Variants in CFAP46 observed in about 807,000 individuals in gnomAD.
The protein encoded by CFAP46 is cilia- and flagella-associated protein 46.
In CFAP46, 245 loss-of-function variants were observed where a neutral mutation model predicts 325.7. The observed-to-expected ratio is 0.75, with a 90% CI of 0.68 to 0.84. The LOEUF is 0.84. CFAP46 is among the 40% of genes least tolerant of loss of function. The pLI is 0.00. For missense variants in CFAP46, 3,346 were observed against 3,543.0 expected (o/e 0.94, Z 1.41); for synonymous variants, 1,523 against 1,495.9 (o/e 1.02, Z -0.42).
chr10:132,808,939 G>A lies in CFAP46; in HGVS notation c.7665-35C>T. 6.5e-7 allele frequency: 1 copy of A among 1,532,832 alleles called. No homozygotes were observed. The highest frequency in any genetic ancestry group is 1.3e-5 in the South Asian group (1 of 78,716). The allele number at this position is 1,532,832 out of a possible 1,614,324, so 95.0% of individuals were successfully genotyped here. On this transcript the variant is annotated intron_variant, in intron 57 of 57. Coordinates refer to ENST00000368586, the MANE Select transcript of CFAP46 (RefSeq NM_001200049.3). The surrounding 1 kb of genome is among the most constrained non-coding windows in gnomAD (Gnocchi z 6.8). The stretch of plus-strand genomic sequence containing the variant: ...AAGGGGCGGGAGCTATGAACCCCGA[G>A]GCCCCGCAGGACGTCCAGCCCGGTG...
chr10:132,913,358 CAAGA>C, intron 17 of CFAP46, 100 bp from the exon 18 acceptor site: 3 of 370,056 alleles, frequency 8.1e-6, no homozygotes, highest in Non-Finnish European at 1.1e-5. Context: ...GGCTGCAGGG[CAAGA>C]AGTGGGAGGG....
chr10:132,908,013 G>GC (rs950554783), intron 22 of CFAP46, among the ~76,000 whole-genome samples: 6 of 152,324 alleles, frequency 3.9e-5, no homozygotes, highest in Admixed American at 6.5e-5. Flanking sequence ...GAAGGCTGAG[G>GC]CCCCCCCTTT....
chr10:132,835,378 C>T lies in CFAP46; in HGVS notation c.6670G>A (p.Ala2224Thr), dbSNP rs759095038. The change falls in exon 47 of 58, where the codon GCC (alanine) becomes ACC (threonine). Residue 2224 changes from alanine to threonine, a missense_variant. Physicochemically the swap from Ala to Thr is moderately conservative, Grantham distance 58. Transcript: ENST00000368586. Reference sequence around the variant, plus strand: ...TGCTTCCGGAACTGCTGGGCACAGGCCAGCAGGTGGGAGAAGGCAGTGGGA... The same window carrying T: ...TGCTTCCGGAACTGCTGGGCACAGGTCAGCAGGTGGGAGAAGGCAGTGGGA... ...ISPTAFSHLLACAQQFRKQTQ... is the reference protein window; with the variant it reads ...ISPTAFSHLLTCAQQFRKQTQ... 1.2e-5 allele frequency: 19 copies of T among 1,613,730 alleles called. No homozygotes were observed. The South Asian group carries it at 1.6e-4, about 14-fold the overall frequency.
chr10:132,814,160 G>T lies in CFAP46; in HGVS notation c.7380C>A (p.His2460Gln). The change falls in exon 54 of 58, where the codon CAC becomes CAA. Residue 2460 changes from histidine to glutamine, a missense_variant. Physicochemically the swap from His to Gln is conservative, Grantham distance 24 (BLOSUM62 0). Transcript: ENST00000368586. ...GGAGCCCAGATCCGAACCTGGGAAA[G>T]TGCTTGCTTCCCAGATGTCCCGCCC... ...SRWAGHLGSK[H>Q]FPSQAQWEQA... 6.2e-7 allele frequency: 1 copy of T among 1,613,556 alleles called. No homozygotes were observed.
Position 132,857,799 on chromosome 10 carries a change from C to T in CFAP46, c.5376-11G>A, listed in dbSNP as rs1193127727. On this transcript the variant is annotated splice_polypyrimidine_tract_variant and intron_variant, in intron 38 of 57. Transcript: ENST00000368586. ...TTCTGGGCACGTAACCTTTATAAGA[C>T]ATAAGAATGGAATTTTAAAACATTA... The T allele has an allele frequency of 1.3e-6, 2 of 1,500,928 alleles. No individual in the cohort carries two copies. Among genetic ancestry groups the T allele is most frequent in the Non-Finnish European group, 1.8e-6 (2 of 1,124,880 alleles). 93.0% of individuals were successfully genotyped at this position (1,500,928 alleles called of 1,614,324 possible).
chr10:132,831,220 C>CTGTGTGTGTGTGTGTG (rs56965336), intron 50 of CFAP46, among the ~76,000 whole-genome samples: 7,370 of 148,064 alleles, frequency 0.05, 426 homozygotes, highest in African/African-American at 0.14. Context: ...GTCAAATGTT[C>CTGTGTGTGTGTGTGTG]TGTGTGTGTG....
intron 44 of CFAP46, among the ~76,000 whole-genome samples, chr10:132,838,146 C>T (rs531356117): frequency 6.6e-6 from 1 of 152,352 alleles, no homozygotes; most frequent in East Asian, 1.9e-4. Context: ...GACTATGAGT[C>T]TGTCTAATAC....
chr10:132,859,863 T>C (rs1009953001), intron 37 of CFAP46, among the ~76,000 whole-genome samples: 2 of 152,234 alleles, frequency 1.3e-5, no homozygotes, highest in African/African-American at 4.8e-5. Context: ...GTTGCCATCC[T>C]GGCCAACATG....
chr10:132,863,786 C>A (rs1445807625), intron 35 of CFAP46, among the ~76,000 whole-genome samples: 9 of 147,804 alleles, frequency 6.1e-5, no homozygotes, highest in South Asian at 2.2e-4. Context: ...CTGCACACAC[C>A]TGTCCCCCTG....
Position 132,929,710 on chromosome 10 carries a change from T to C in CFAP46, c.961A>G (p.Ser321Gly), listed in dbSNP as rs1245508623. 5 of 1,613,816 alleles carry C rather than the reference T, an allele frequency of 3.1e-6. No homozygotes were observed. In the African/African-American group the frequency reaches 4.0e-5, roughly 13 times the overall value. ...ACLSDLKKME[S>G]KDPGKLIEME... ...AGTGTCATGAAGCCACTTACTTTGC[T>C]TTCCATCTTCTTCAGGTCTGAGAGG... The change falls in exon 9 of 58, where the codon AGC (serine) becomes GGC (glycine). Residue 321 changes from serine to glycine, a missense_variant. Physicochemically the swap from Ser to Gly is moderately conservative, Grantham distance 56. Transcript: ENST00000368586.
chr10:132,925,482 C>A (rs1342076549), intron 10 of CFAP46, among the ~76,000 whole-genome samples: 3 of 152,244 alleles, frequency 2.0e-5, no homozygotes, highest in African/African-American at 7.2e-5. Flanking sequence ...ACGCCGGTGC[C>A]GGCCCCTCTG....
In CFAP46 at chr10:132,884,380, C is replaced by A. The variant is rs1318013746; in HGVS notation, c.3627+723G>T. Among the ~76,000 whole-genome samples, 2 of 152,204 alleles carry A rather than the reference C, an allele frequency of 1.3e-5. No individual in the cohort carries two copies. The highest frequency in any genetic ancestry group is 6.5e-5 in the Admixed American group (1 of 15,286). ...TCCCGATGCCAAGGGCCCCCTGGAC[C>A]CCAGAACAATCCAAAGGCCTCGGGG... On this transcript the variant is annotated intron_variant, in intron 27 of 57. Coordinates refer to ENST00000368586, the MANE Select transcript of CFAP46 (RefSeq NM_001200049.3). The surrounding 1 kb of genome is among the most constrained non-coding windows in gnomAD (Gnocchi z 5.4).
intron 50 of CFAP46, 130 bp downstream of exon 50, chr10:132,833,228 A>C: frequency 1.1e-6 from 1 of 924,892 alleles, no homozygotes; most frequent in Admixed American, 2.6e-5. Flanking sequence ...TGAATGAATA[A>C]ATGCCTAGAA....
At position 132,859,572 on chromosome 10, in the gene CFAP46, T is replaced by C. The variant is rs184300057; in HGVS notation, c.5199-325A>G. ...GACTCACTAGTGGAACAGAAACCCATGTTGAAGCGTTGGGCTGTTCACACG... is the reference window on the plus strand; with the variant it reads ...GACTCACTAGTGGAACAGAAACCCACGTTGAAGCGTTGGGCTGTTCACACG... On this transcript the variant is annotated intron_variant, in intron 37 of 57. Coordinates refer to ENST00000368586, the MANE Select transcript of CFAP46 (RefSeq NM_001200049.3). Among the ~76,000 whole-genome samples, 1,406 of 151,934 alleles carry C rather than the reference T, an allele frequency of 9.3e-3. 12 individuals are homozygous for C. Among genetic ancestry groups the C allele is most frequent in the South Asian group, 0.043 (209 of 4,808 alleles).
chr10:132,854,705 A>G (rs1848614589), intron 39 of CFAP46, among the ~76,000 whole-genome samples: 1 of 152,078 alleles, frequency 6.6e-6, no homozygotes, highest in Admixed American at 6.6e-5. Context: ...AAAATATACA[A>G]TTCAGTGGCA....
intron 44 of CFAP46, among the ~76,000 whole-genome samples, chr10:132,840,029 A>G (rs148644977): frequency 1.7e-4 from 25 of 150,830 alleles, no homozygotes; most frequent in East Asian, 3.9e-4. Flanking sequence ...TCTACTTTCT[A>G]TGAGTTTTCA....
intron 19 of CFAP46, 37 bp downstream of exon 19, chr10:132,912,618 T>TC (rs1274972764): frequency 4.1e-5 from 60 of 1,457,350 alleles, no homozygotes; most frequent in South Asian, 3.4e-4. Context: ...TCTCTCTCTC[T>TC]CTCTCTCTCT....
rs1849093795 is a variant in CFAP46 at position 132,884,549 on chromosome 10, A to T, written c.3627+554T>A. 6.6e-6 allele frequency among the ~76,000 whole-genome samples: 1 copy of T among 152,152 alleles called. No individual in the cohort carries two copies. Among genetic ancestry groups the T allele is most frequent in the African/African-American group, 2.4e-5 (1 of 41,432 alleles). On this transcript the variant is annotated intron_variant, in intron 27 of 57. Transcript: ENST00000368586. This position sits in a 1 kb window ranked among gnomAD's most constrained non-coding sequence, Gnocchi z 5.4. Reference sequence around the variant, plus strand: ...AAGATGAAGTTCTCAGGTGCATACCACATGGCCCTTGCCCCTGACAAGCAG... The same window carrying T: ...AAGATGAAGTTCTCAGGTGCATACCTCATGGCCCTTGCCCCTGACAAGCAG...
At chr10:132,915,960 A>G (rs542033930) in intron 17 of CFAP46, among the ~76,000 whole-genome samples, 2 of 152,376 alleles carry the variant, frequency 1.3e-5, no homozygotes, top group South Asian at 4.1e-4. Context: ...TTATATTAAA[A>G]ATAGGTAAAA....
Sources: allele counts gnomAD v4.1 joint callset (sites outside exome capture counted in the v4.1 genomes callset), GRCh38; gene constraint gnomAD v4.1.1; non-coding constraint Gnocchi (gnomAD v3.1); transcripts MANE v1.5; gene names NCBI Gene and HGNC (gene_info 2026-07-23, HGNC 2026-07-21).